The following CDH23 variants were observed in gnomAD, a reference collection of about 807,000 sequenced individuals.
CDH23 encodes cadherin related 23, also known as cadherin-23.
CDH23 carries 189 observed loss-of-function variants against 317.1 expected under a neutral mutation model. The observed-to-expected ratio is 0.60, with a 90% CI of 0.53 to 0.67. The LOEUF (loss-of-function observed/expected upper bound fraction) is 0.67, where lower values mean the gene tolerates loss of function less well. Ranked by LOEUF, CDH23 falls within the 30% of genes least tolerant of loss-of-function variation. The pLI, the probability that CDH23 is intolerant of heterozygous loss-of-function variation, is 0.00. For synonymous variants in CDH23, 1,839 were observed against 1,876.8 expected, an observed-to-expected ratio of 0.98 and a Z score of 0.52; for missense variants, 4,401 against 4,592.4, an observed-to-expected ratio of 0.96 and a Z score of 1.20.
At chr10:71,533,663 TC>T (rs1428799582) in intron 6 of CDH23, among the ~76,000 whole-genome samples, 2 of 151,870 alleles carry the variant, frequency 1.3e-5, no homozygotes. Flanking sequence ...ATGCAGCACA[TC>T]CCAGTCAGTG....
At chr10:71,420,398 G>GTGATGGTGATGGTGATGATGA (rs1848700853) in intron 1 of CDH23, among the ~76,000 whole-genome samples, 2 of 65,028 alleles carry the variant, frequency 3.1e-5, no homozygotes, top group Admixed American at 1.7e-4. Flanking sequence ...GATGATGATG[G>GTGATGGTGATGGTGATGATGA]TGATGGTGAT....
At chr10:71,677,361 C>A in intron 15 of CDH23, 95 bp from the exon 16 acceptor site, 1 of 934,360 alleles carries the variant, frequency 1.1e-6, no homozygotes, top group Non-Finnish European at 1.6e-6. Context: ...CTGTTTGTCA[C>A]TCTGGGCAAG....
chr10:71,793,422 A>G lies in CDH23; in HGVS notation c.6494A>G (p.Asp2165Gly). The G allele has an allele frequency of 6.2e-7, 1 of 1,613,938 alleles. No individual in the cohort carries two copies. ...SGTAIVTILI[D>G]DINDSRPEFL... ...ACAGCCATTGTCACCATTCTGATCG[A>G]TGACATCAATGACTCCCGCCCCGAG... is the stretch of plus-strand genomic sequence containing the variant. The change falls in exon 48 of 70, where the codon GAT becomes GGT. Residue 2165 changes from aspartate to glycine, a missense_variant. Around this residue, in one of 3 missense-constraint regions of CDH23, gnomAD observed 3,068 missense variants for 3,203.3 expected, o/e 0.96. Transcript: ENST00000224721.
intron 1 of CDH23, among the ~76,000 whole-genome samples, chr10:71,431,085 T>G (rs10762445): frequency 0.33 from 50,052 of 151,896 alleles, 8,646 homozygotes; most frequent in Middle Eastern, 0.47. Context: ...TGGGAAGGAG[T>G]TGTGGGATGG....
intron 14 of CDH23, among the ~76,000 whole-genome samples, chr10:71,655,635 C>T (rs1863385269): frequency 6.6e-6 from 1 of 152,058 alleles, no homozygotes; most frequent in Non-Finnish European, 1.5e-5. Context: ...CACTGAAAAC[C>T]TTCCCCAAGC....
At chr10:71,488,522 A>G (rs1285235110) in intron 3 of CDH23, among the ~76,000 whole-genome samples, 2 of 152,180 alleles carry the variant, frequency 1.3e-5, no homozygotes, top group African/African-American at 2.4e-5. Context: ...TAGTATACCC[A>G]TGATCCATCT....
At position 71,814,988 on chromosome 10, in the gene CDH23, C is replaced by T. The variant is rs1064795569; in HGVS notation, c.9775C>T (p.His3259Tyr). 11 of 1,612,478 alleles carry T rather than the reference C, an allele frequency of 6.8e-6. No individual in the cohort carries two copies. Among genetic ancestry groups the T allele is most frequent in the Admixed American group, 5.0e-5 (3 of 59,958 alleles). Residue 3259 changes from histidine (H) to tyrosine (Y), a missense_variant, in exon 70 of 70, where the codon CAC (histidine) becomes TAC (tyrosine). His to Tyr is a moderately conservative substitution (Grantham distance 83, BLOSUM62 2). Around this residue, in one of 3 missense-constraint regions of CDH23, gnomAD observed 1,144 missense variants for 1,138.2 expected, o/e 1.01. Coordinates refer to ENST00000224721, the MANE Select transcript of CDH23 (RefSeq NM_022124.6). ...QTELDEEPGD[H>Y]SPGQGSLRFR... is the part of the protein sequence containing the mutation. The stretch of plus-strand genomic sequence containing the variant: ...TGAGCTGGACGAGGAGCCAGGAGAC[C>T]ACAGCCCAGGGCAGGGTAGCCTGCG...
At chr10:71,645,734 C>T (rs1434438113) in intron 12 of CDH23, 97 bp from the exon 13 acceptor site, 2 of 1,412,146 alleles carry the variant, frequency 1.4e-6, no homozygotes, top group African/African-American at 2.8e-5. Context: ...CAAAGCAGCT[C>T]TGGGCTCACT....
In CDH23 at chr10:71,646,494, C is replaced by T. The variant is rs2132596840; in HGVS notation, c.1326C>T (p.Gly442=). The T allele has an allele frequency of 1.9e-6, 3 of 1,613,950 alleles. No individual in the cohort carries two copies. The highest frequency in any genetic ancestry group is 2.5e-6 in the Non-Finnish European group (3 of 1,179,888). ...ATGAGAGTGTGCCTGACCATGTGGG[C>T]TATGCCAAGGTGAAGATCACTCTCA... ...FANESVPDHV[G]YAKVKITLIN... The change falls in exon 14 of 70, where the codon GGC becomes GGT. Residue 442 remains glycine, a synonymous_variant. Coordinates refer to ENST00000224721, the MANE Select transcript of CDH23 (RefSeq NM_022124.6).
At chr10:71,657,198 C>A (rs1049546474) in intron 14 of CDH23, among the ~76,000 whole-genome samples, 1 of 152,204 alleles carries the variant, frequency 6.6e-6, no homozygotes, top group African/African-American at 2.4e-5. Context: ...AGGCCCTAGG[C>A]GGGGTTGGGG....
Position 71,738,427 on chromosome 10 carries a change from C to T in CDH23, c.4210-71C>T, listed in dbSNP as rs117155162. The T allele has an allele frequency of 7.9e-3, 12,570 of 1,589,218 alleles. 86 individuals carry two copies. The highest frequency in any genetic ancestry group is 9.1e-3 in the Non-Finnish European group (10,533 of 1,158,546). ...GGGGATCTGGTCCCTACTGGACCCA[C>T]GGTGGGACCCAGGTGTTTGGGGCCA... On this transcript the variant is annotated intron_variant, in intron 34 of 69. Transcript: ENST00000224721.
At chr10:71,666,021 A>T (rs1268789441) in intron 14 of CDH23, among the ~76,000 whole-genome samples, 1 of 152,198 alleles carries the variant, frequency 6.6e-6, no homozygotes, top group Non-Finnish European at 1.5e-5. Flanking sequence ...AATGTCTACC[A>T]TTGGCACTGG....
intron 3 of CDH23, among the ~76,000 whole-genome samples, chr10:71,498,598 A>G (rs1433645405): frequency 6.6e-6 from 1 of 152,236 alleles, no homozygotes; most frequent in Non-Finnish European, 1.5e-5. Context: ...GCAGGTGCCC[A>G]GGCAGTGTTT....
At chr10:71,541,143 G>A (rs1369634799) in intron 6 of CDH23, among the ~76,000 whole-genome samples, 1 of 152,108 alleles carries the variant, frequency 6.6e-6, no homozygotes, top group African/African-American at 2.4e-5. Context: ...GGCTCTTATG[G>A]ATCTTTCAAA....
chr10:71,543,483 T>C (rs1168553277), intron 6 of CDH23, among the ~76,000 whole-genome samples: 1 of 152,242 alleles, frequency 6.6e-6, no homozygotes, highest in Non-Finnish European at 1.5e-5. Context: ...CAGCCGATGC[T>C]GTCCATGCCG....
At chr10:71,791,494 G>C (rs1234720929) in intron 47 of CDH23, among the ~76,000 whole-genome samples, 159 bp downstream of exon 47, 1 of 152,144 alleles carries the variant, frequency 6.6e-6, no homozygotes, top group Non-Finnish European at 1.5e-5. Context: ...CAGGAGACCT[G>C]GGCCCCTGCT....
Position 71,422,757 on chromosome 10 carries a change from T to C in CDH23, c.-5-17070T>C, listed in dbSNP as rs1188213243. 2.0e-5 allele frequency among the ~76,000 whole-genome samples: 3 copies of C among 152,208 alleles called. No homozygotes were observed. The East Asian group carries it at 5.8e-4, about 29-fold the overall frequency. On this transcript the variant is annotated intron_variant, in intron 1 of 69. Transcript: ENST00000224721. ...TGGCTTTCCTAGCTGAAGGACCCAC[T>C]GTAAGCTCTCCATGTGCTTGATCTG...
At chr10:71,444,100 G>A (rs529118455) in intron 2 of CDH23, among the ~76,000 whole-genome samples, 25 of 152,364 alleles carry the variant, frequency 1.6e-4, no homozygotes, top group African/African-American at 5.5e-4. Context: ...GCTGCGTCCT[G>A]CTCTCCTGTA....
chr10:71,430,293 C>CA (rs5786039), intron 1 of CDH23, among the ~76,000 whole-genome samples: 2,209 of 141,186 alleles, frequency 0.016, 164 homozygotes, highest in Admixed American at 0.13. Flanking sequence ...TTTTGGAACT[C>CA]AAAAAAAAAA....
Sources: gnomAD v4.1 joint callset for allele counts (sites outside exome capture counted in the v4.1 genomes callset) on GRCh38, gnomAD v4.1.1 for gene constraint, gnomAD v4.1.1 regional missense constraint, MANE v1.5 for transcripts, NCBI Gene and HGNC (gene_info 2026-07-23, HGNC 2026-07-21) for gene names.